Variants in STK40 observed in about 807,000 individuals in gnomAD.
STK40 encodes serine/threonine-protein kinase 40.
A neutral mutation model predicts 47.9 loss-of-function variants in STK40; 13 were observed. The ratio of observed to expected loss-of-function variants is 0.27; its 90% CI spans 0.18 to 0.43. The LOEUF is 0.43. Among genes scored for constraint, STK40 ranks in the 20% least tolerant of loss-of-function variants. STK40 has a pLI of 1.00. For missense variants in STK40, 460 were observed against 595.1 expected, an observed-to-expected ratio of 0.77 and a Z score of 2.36; for synonymous variants, 225 against 243.2, an observed-to-expected ratio of 0.93 and a Z score of 0.69.
intron 1 of STK40, chr1:36,366,206 A>C (rs1428648158): frequency 6.6e-6 from 1 of 152,246 alleles, no homozygotes; most frequent in Non-Finnish European, 1.5e-5. Context: ...TCTAGACAAC[A>C]GTTTGCAGGG....
rs915283723 is a variant in STK40, at chr1:36,340,569, G to A, written c.*1186C>T. The A allele has an allele frequency of 1.3e-5, 2 of 152,758 alleles. No homozygotes were observed. The highest frequency in any genetic ancestry group is 4.8e-5 in the African/African-American group (2 of 41,418). The allele number at this position is 152,758 out of a possible 1,614,324, so 9.5% of individuals were successfully genotyped here. ...CCAAGTCCAGTAAGGGCAAGGGGAG[G>A]GGGCATTCTGGTGAGAACAGCATTT... On this transcript the variant is annotated 3_prime_UTR_variant, in exon 11 of 11. Transcript: ENST00000373132.
At chr1:36,353,785 C>T (rs1228035805) in intron 6 of STK40, among the ~76,000 whole-genome samples, 2 of 152,182 alleles carry the variant, frequency 1.3e-5, no homozygotes, top group Non-Finnish European at 2.9e-5. Flanking sequence ...TCAGCTTCTC[C>T]CTCTGCCTAA....
At position 36,358,667 on chromosome 1, in the gene STK40, G is replaced by A. The variant is rs1354794820; in HGVS notation, c.198+70C>T. 4.0e-6 allele frequency: 6 copies of A among 1,512,944 alleles called. No individual in the cohort carries two copies. In the South Asian group the frequency reaches 5.7e-5, roughly 14 times the overall value. The allele number at this position is 1,512,944 out of a possible 1,614,324, so 93.7% of individuals were successfully genotyped here. ...TCACAATGACGCAGGTGTGAAGGTGGAGGAGGGAGGAGTGGGTTGGCATGA... is the reference window on the plus strand; with the variant it reads ...TCACAATGACGCAGGTGTGAAGGTGAAGGAGGGAGGAGTGGGTTGGCATGA... On this transcript the variant is annotated intron_variant, in intron 3 of 10. Coordinates refer to ENST00000373132, the MANE Select transcript of STK40 (RefSeq NM_001282547.2).
intron 1 of STK40, among the ~76,000 whole-genome samples, chr1:36,375,133 A>G (rs1646980526): frequency 6.6e-6 from 1 of 152,206 alleles, no homozygotes; most frequent in Non-Finnish European, 1.5e-5. Flanking sequence ...GGACAGGGAC[A>G]GCGCTACTCC....
At chr1:36,382,674 A>G (rs1458972495) in intron 1 of STK40, among the ~76,000 whole-genome samples, 1 of 152,238 alleles carries the variant, frequency 6.6e-6, no homozygotes, top group Non-Finnish European at 1.5e-5. Flanking sequence ...CACTTCTGAC[A>G]GCTCAATGGG....
At chr1:36,355,124 G>C (rs1646790866) in intron 5 of STK40, 82 bp downstream of exon 5, 1 of 1,423,682 alleles carries the variant, frequency 7.0e-7, no homozygotes. Context: ...GGGTGCACAG[G>C]ACAGAGCTGC....
intron 1 of STK40, among the ~76,000 whole-genome samples, chr1:36,376,473 A>G (rs1267113002): frequency 6.6e-6 from 1 of 152,248 alleles, no homozygotes; most frequent in Non-Finnish European, 1.5e-5. Context: ...ATACTCACAC[A>G]GGTTCACAAA....
intron 2 of STK40, among the ~76,000 whole-genome samples, chr1:36,359,671 C>T (rs1229173989): frequency 6.6e-6 from 1 of 152,232 alleles, no homozygotes; most frequent in Non-Finnish European, 1.5e-5. Context: ...AACGAAGCTC[C>T]GCTGCTCTTG....
chr1:36,367,822 A>T, intron 1 of STK40: 2 of 985,768 alleles, frequency 2.0e-6, no homozygotes, highest in Non-Finnish European at 2.4e-6. Context: ...GCAGCCACAT[A>T]GGAGCGCACA....
intron 1 of STK40, among the ~76,000 whole-genome samples, chr1:36,374,637 C>T (rs560334686): frequency 2.0e-5 from 3 of 152,344 alleles, no homozygotes; most frequent in South Asian, 2.1e-4. Context: ...GACAGACTTA[C>T]AAGCTCTTTC....
chr1:36,358,742 G>A lies in STK40; in HGVS notation c.193C>T (p.Leu65=), dbSNP rs57841351. The A allele has an allele frequency of 6.2e-7, 1 of 1,614,146 alleles. No individual in the cohort carries two copies. The highest frequency in any genetic ancestry group is 1.3e-5 in the African/African-American group (1 of 75,042). The stretch of plus-strand genomic sequence containing the variant: ...CACCCCCATGTCTCACTTACCTTCA[G>A]CTGATAGAAGTCATCCGTGCCATCT... ...RKDGTDDFYQ[L]KILTLEERGD... is the part of the protein sequence containing the mutation. The change falls in exon 3 of 11, where the codon CTG becomes TTG. Residue 65 remains leucine (L), a synonymous_variant. Transcript: ENST00000373132.
At chr1:36,357,099 T>C (rs754512958) in intron 4 of STK40, among the ~76,000 whole-genome samples, 1 of 152,232 alleles carries the variant, frequency 6.6e-6, no homozygotes. Context: ...TGAACAGCAA[T>C]GATGATGACA....
chr1:36,354,524 CTA>C, intron 5 of STK40, 108 bp from the exon 6 acceptor site: 1 of 1,116,150 alleles, frequency 9.0e-7, no homozygotes, highest in Non-Finnish European at 1.4e-6. Flanking sequence ...AGGAAAAATT[CTA>C]TGATGTGTCT....
intron 4 of STK40, among the ~76,000 whole-genome samples, chr1:36,355,961 G>A (rs1372977354): frequency 1.3e-5 from 2 of 152,102 alleles, no homozygotes; most frequent in Non-Finnish European, 2.9e-5. Flanking sequence ...AAAGAGGACT[G>A]TCGGGATGCA....
At position 36,359,333 on chromosome 1, in the gene STK40, G is replaced by C. The variant is rs1292986365; in HGVS notation, c.113-511C>G. ...AGGTGGGAGGATCGTTTGAGCCCAG[G>C]AGGCTGAGGCTGCAGTGAACTGTGT... On this transcript the variant is annotated intron_variant, in intron 2 of 10. Transcript: ENST00000373132. Among the ~76,000 whole-genome samples the C allele has an allele frequency of 2.6e-5, 4 of 152,194 alleles. No homozygotes were observed. The East Asian group carries it at 5.8e-4, about 22-fold the overall frequency.
intron 6 of STK40, among the ~76,000 whole-genome samples, chr1:36,353,190 T>C (rs6701311): frequency 0.17 from 25,739 of 152,194 alleles, 2,844 homozygotes; most frequent in African/African-American, 0.3. Context: ...TGTAAGCCCT[T>C]CAACCTGCTC....
intron 1 of STK40, among the ~76,000 whole-genome samples, chr1:36,385,509 G>A (rs1056333052): frequency 6.6e-6 from 1 of 152,178 alleles, no homozygotes; most frequent in African/African-American, 2.4e-5. Flanking sequence ...TGAAGCTCCC[G>A]CGGCCTCCCG....
At position 36,341,419 on chromosome 1, in the gene STK40, G is replaced by A; in HGVS notation, c.*336C>T. The A allele has an allele frequency of 3.7e-6, 1 of 269,760 alleles. No individual in the cohort carries two copies. The highest frequency in any genetic ancestry group is 4.9e-5 in the Admixed American group (1 of 20,214). The allele number at this position is 269,760 out of a possible 1,614,324, so 16.7% of individuals were successfully genotyped here. A position where few individuals can be genotyped will look rare whatever the true frequency, so the allele number is the denominator to read the frequency against. On this transcript the variant is annotated 3_prime_UTR_variant, in exon 11 of 11. Transcript: ENST00000373132. ...GGTCAGTTGGTGGCCGCTGGGGAAGGCCCTGGAGTGGGGTGAGCAGGCTCC... is the reference window on the plus strand; with the variant it reads ...GGTCAGTTGGTGGCCGCTGGGGAAGACCCTGGAGTGGGGTGAGCAGGCTCC...
intron 4 of STK40, among the ~76,000 whole-genome samples, chr1:36,357,816 C>T (rs895608565): frequency 1.6e-4 from 25 of 152,170 alleles, no homozygotes; most frequent in African/African-American, 5.8e-4. Context: ...GGGGTTTCAC[C>T]TTGTTGGCCA....
Sources: allele counts gnomAD v4.1 joint callset (sites outside exome capture counted in the v4.1 genomes callset), GRCh38; gene constraint gnomAD v4.1.1; transcripts MANE v1.5; gene names NCBI Gene and HGNC (gene_info 2026-07-23, HGNC 2026-07-21).